The following CYP7B1 variants were observed in gnomAD, a reference collection of about 807,000 sequenced individuals.
CYP7B1 encodes cytochrome P450 family 7 subfamily B member 1.
CYP7B1 carries 29 observed loss-of-function variants against 42.7 expected under a neutral mutation model. The ratio of observed to expected loss-of-function variants is 0.68; its 90% CI spans 0.51 to 0.93. The LOEUF (loss-of-function observed/expected upper bound fraction) is 0.93, where lower values mean the gene tolerates loss of function less well. Ranked by LOEUF, CYP7B1 falls within the 40% of genes least tolerant of loss-of-function variation. The probability of loss-of-function intolerance (pLI) is 0.00; values close to 1 mark genes in which losing one functional copy is unlikely to be tolerated. For synonymous variants in CYP7B1, 235 were observed against 218.2 expected (o/e 1.08, Z -0.68); for missense variants, 655 against 600.5 (o/e 1.09, Z -0.95).
chr8:64,594,081 A>G lies in CYP7B1; in HGVS notation c.*2561T>C, dbSNP rs1805079315. 1.3e-5 allele frequency among the ~76,000 whole-genome samples: 2 copies of G among 152,052 alleles called. No homozygotes were observed. The highest frequency in any genetic ancestry group is 2.9e-5 in the Non-Finnish European group (2 of 67,990). ...AATTTAGAACATCTTAGGAAGAATT[A>G]AAGTTATCATGGACTAAATGTGTGT... On this transcript the variant is annotated 3_prime_UTR_variant, in exon 6 of 6. Coordinates refer to ENST00000310193, the MANE Select transcript of CYP7B1 (RefSeq NM_004820.5).
At chr8:64,675,232 C>T (rs751338950) in intron 1 of CYP7B1, among the ~76,000 whole-genome samples, 7 of 152,018 alleles carry the variant, frequency 4.6e-5, no homozygotes, top group Non-Finnish European at 8.8e-5. Flanking sequence ...TAACCTAGTC[C>T]TTCTACTAGG....
At chr8:64,680,254 C>A (rs1806515905) in intron 1 of CYP7B1, among the ~76,000 whole-genome samples, 1 of 152,018 alleles carries the variant, frequency 6.6e-6, no homozygotes. Flanking sequence ...CCCAGTGTTG[C>A]ACATGCTTAC....
intron 1 of CYP7B1, among the ~76,000 whole-genome samples, chr8:64,778,174 AATATATATAT>A (rs60859854): frequency 2.4e-4 from 32 of 133,246 alleles, no homozygotes; most frequent in Middle Eastern, 3.9e-3. Context: ...ACTAGTTTGA[AATATATATAT>A]ATATATATAT....
intron 5 of CYP7B1, among the ~76,000 whole-genome samples, chr8:64,598,777 T>C (rs1008123329): frequency 3.3e-5 from 5 of 152,212 alleles, no homozygotes; most frequent in Non-Finnish European, 4.4e-5. Flanking sequence ...ACCATCCCTC[T>C]AGTTTCCAGG....
intron 1 of CYP7B1, among the ~76,000 whole-genome samples, chr8:64,646,868 C>G (rs532936961): frequency 1.3e-4 from 20 of 152,328 alleles, no homozygotes; most frequent in Non-Finnish European, 2.6e-4. Flanking sequence ...TTCACTTTCT[C>G]ACACGTGTGT....
chr8:64,686,453 T>C (rs1585855825), intron 1 of CYP7B1, among the ~76,000 whole-genome samples: 1 of 25,552 alleles, frequency 3.9e-5, no homozygotes, highest in African/African-American at 1.7e-4. Context: ...GGGAGGGAGG[T>C]TGGGGGGTCA....
In CYP7B1 at chr8:64,592,382, C is replaced by A. The variant is rs770677444; in HGVS notation, c.*4260G>T. On this transcript the variant is annotated 3_prime_UTR_variant, in exon 6 of 6. Transcript: ENST00000310193. ...ATGACTGATGGAAGGCTAGTTAGAA[C>A]TAGTGATAAATCAGAATTTTAAAAT... is the stretch of plus-strand genomic sequence containing the variant. 2.6e-5 allele frequency among the ~76,000 whole-genome samples: 4 copies of A among 152,166 alleles called. No homozygotes were observed. Among genetic ancestry groups the A allele is most frequent in the Non-Finnish European group, 4.4e-5 (3 of 68,024 alleles).
intron 1 of CYP7B1, among the ~76,000 whole-genome samples, chr8:64,683,515 T>A (rs1290890605): frequency 6.6e-6 from 1 of 152,168 alleles, no homozygotes; most frequent in African/African-American, 2.4e-5. Flanking sequence ...TAAGACCTAC[T>A]GTTTGATGGC....
At chr8:64,760,293 G>A (rs1807869620) in intron 1 of CYP7B1, among the ~76,000 whole-genome samples, 1 of 151,884 alleles carries the variant, frequency 6.6e-6, no homozygotes, top group Non-Finnish European at 1.5e-5. Context: ...CCTTGACATT[G>A]GTCTCAGCAA....
chr8:64,752,700 A>T (rs1373951298), intron 1 of CYP7B1, among the ~76,000 whole-genome samples: 1 of 152,196 alleles, frequency 6.6e-6, no homozygotes, highest in Non-Finnish European at 1.5e-5. Flanking sequence ...CTACATATGT[A>T]AGTCTATACA....
chr8:64,692,970 G>A (rs903198528), intron 1 of CYP7B1, among the ~76,000 whole-genome samples: 2 of 152,134 alleles, frequency 1.3e-5, no homozygotes, highest in Non-Finnish European at 2.9e-5. Flanking sequence ...ATTCAAAGCT[G>A]TCTCCTCATG....
At chr8:64,686,016 T>A (rs1585855151) in intron 1 of CYP7B1, among the ~76,000 whole-genome samples, 2 of 65,544 alleles carry the variant, frequency 3.1e-5, no homozygotes, top group South Asian at 5.8e-4. Context: ...GAGGAGCCCC[T>A]CAGCCCGGCC....
intron 1 of CYP7B1, among the ~76,000 whole-genome samples, chr8:64,785,029 A>T (rs1585913479): frequency 1.3e-5 from 2 of 152,198 alleles, no homozygotes; most frequent in East Asian, 1.9e-4. Flanking sequence ...AAACAACCTA[A>T]TTTTTTTAAA....
At chr8:64,753,894 C>T (rs1340151819) in intron 1 of CYP7B1, among the ~76,000 whole-genome samples, 1 of 152,162 alleles carries the variant, frequency 6.6e-6, no homozygotes, top group Admixed American at 6.5e-5. Context: ...AGAGCCAGCT[C>T]ACCATGTCCA....
chr8:64,774,604 G>C (rs1047608982), intron 1 of CYP7B1, among the ~76,000 whole-genome samples: 8 of 152,124 alleles, frequency 5.3e-5, no homozygotes, highest in Admixed American at 2.0e-4. Flanking sequence ...GAACACATAA[G>C]TGTGAACATT....
intron 1 of CYP7B1, among the ~76,000 whole-genome samples, chr8:64,718,796 G>A (rs1049060811): frequency 6.6e-6 from 1 of 152,174 alleles, no homozygotes; most frequent in African/African-American, 2.4e-5. Context: ...TCCCACAATT[G>A]TCAGAGGTGG....
At chr8:64,766,687 C>G (rs1807978242) in intron 1 of CYP7B1, among the ~76,000 whole-genome samples, 1 of 152,166 alleles carries the variant, frequency 6.6e-6, no homozygotes, top group South Asian at 2.1e-4. Context: ...GCCACCCCCT[C>G]GTCCTTGCCC....
intron 5 of CYP7B1, among the ~76,000 whole-genome samples, chr8:64,601,358 T>C (rs890255488): frequency 5.3e-5 from 8 of 152,210 alleles, no homozygotes; most frequent in African/African-American, 1.9e-4. Context: ...TGCATTGCCA[T>C]CTTAAATGTC....
intron 1 of CYP7B1, among the ~76,000 whole-genome samples, chr8:64,697,166 T>G (rs1806841265): frequency 6.6e-6 from 1 of 152,212 alleles, no homozygotes; most frequent in Non-Finnish European, 1.5e-5. Context: ...CTCCACAACG[T>G]GTATTGCCTG....
Sources: gnomAD v4.1 joint callset for allele counts (sites outside exome capture counted in the v4.1 genomes callset) on GRCh38, gnomAD v4.1.1 for gene constraint, MANE v1.5 for transcripts, NCBI Gene and HGNC (gene_info 2026-07-23, HGNC 2026-07-21) for gene names.